Variants in DNM3 observed in about 807,000 individuals in gnomAD.
DNM3 encodes the protein dynamin-3.
In DNM3, 47 loss-of-function variants were observed where a neutral mutation model predicts 101.6. That is an observed-to-expected ratio of 0.46 (90% CI 0.37 to 0.59). DNM3 has a LOEUF of 0.59. Ranked by LOEUF, DNM3 falls within the 20% of genes least tolerant of loss-of-function variation. DNM3 has a pLI of 0.00. For synonymous variants in DNM3, 385 were observed against 387.9 expected (o/e 0.99, Z 0.09); for missense variants, 849 against 1,085.7 (o/e 0.78, Z 3.06).
intron 14 of DNM3, among the ~76,000 whole-genome samples, chr1:172,202,213 T>C (rs1399060081): frequency 6.6e-6 from 1 of 152,214 alleles, no homozygotes; most frequent in Non-Finnish European, 1.5e-5. Context: ...TTTAGAGTAA[T>C]ACTAGCCTCA....
intron 1 of DNM3, among the ~76,000 whole-genome samples, chr1:171,895,394 T>C (rs1207746609): frequency 1.3e-5 from 2 of 152,270 alleles, no homozygotes; most frequent in Non-Finnish European, 2.9e-5. Flanking sequence ...CTAGTGATGA[T>C]GAGCATTTAT....
chr1:172,231,526 A>C (rs2061336646), intron 14 of DNM3, among the ~76,000 whole-genome samples: 1 of 152,136 alleles, frequency 6.6e-6, no homozygotes, highest in Admixed American at 6.5e-5. Flanking sequence ...AAATTCTAAA[A>C]ATCAGAGCAC....
chr1:172,231,474 T>C (rs1471027888), intron 14 of DNM3, among the ~76,000 whole-genome samples: 1 of 151,968 alleles, frequency 6.6e-6, no homozygotes, highest in African/African-American at 2.4e-5. Flanking sequence ...CAAAGGTAGA[T>C]AAAACCATAA....
intron 14 of DNM3, among the ~76,000 whole-genome samples, chr1:172,208,251 T>C (rs755731589): frequency 1.3e-5 from 2 of 152,082 alleles, no homozygotes; most frequent in Non-Finnish European, 2.9e-5. Flanking sequence ...AATGTAAGGA[T>C]CTACTTCTAA....
intron 2 of DNM3, among the ~76,000 whole-genome samples, chr1:171,958,580 G>A (rs1286901125): frequency 1.3e-5 from 2 of 152,154 alleles, no homozygotes; most frequent in Non-Finnish European, 2.9e-5. Context: ...ATCCATCAAA[G>A]GTGTTGGAGC....
At chr1:171,983,868 G>A (rs1335072856) in intron 2 of DNM3, among the ~76,000 whole-genome samples, 4 of 152,104 alleles carry the variant, frequency 2.6e-5, no homozygotes, top group Admixed American at 6.5e-5. Context: ...AACCTTAGTA[G>A]CAGTGCTTTT....
chr1:171,869,679 A>G (rs2035093103), intron 1 of DNM3, among the ~76,000 whole-genome samples: 2 of 152,208 alleles, frequency 1.3e-5, no homozygotes, highest in South Asian at 2.1e-4. Flanking sequence ...TCACTGACAT[A>G]TGATGCTGAG....
At chr1:171,935,858 A>G (rs1426971226) in intron 2 of DNM3, among the ~76,000 whole-genome samples, 1 of 136,938 alleles carries the variant, frequency 7.3e-6, no homozygotes, top group Non-Finnish European at 1.5e-5. Context: ...CTTTCTCAAT[A>G]CCTGATCTTA....
intron 10 of DNM3, among the ~76,000 whole-genome samples, chr1:172,063,895 A>G (rs1390858334): frequency 6.6e-6 from 1 of 152,206 alleles, no homozygotes; most frequent in East Asian, 1.9e-4. Flanking sequence ...TAATATAAGC[A>G]TCAAATCCTC....
intron 14 of DNM3, among the ~76,000 whole-genome samples, chr1:172,237,094 C>T (rs1251691365): frequency 1.3e-5 from 2 of 151,996 alleles, no homozygotes; most frequent in African/African-American, 4.8e-5. Flanking sequence ...TAATTTGCAG[C>T]GAAATTAAAC....
At chr1:172,415,527 T>TTTTG (rs1337475836), downstream of DNM3, among the ~76,000 whole-genome samples, 4 of 105,502 alleles carry the variant, frequency 3.8e-5, no homozygotes, top group African/African-American at 1.3e-4. Flanking sequence ...TTTGTGAGTT[T>TTTTG]TTTTTTTTTT....
At chr1:172,121,517 A>G (rs998198894) in intron 13 of DNM3, among the ~76,000 whole-genome samples, 30 of 152,380 alleles carry the variant, frequency 2.0e-4, no homozygotes, top group African/African-American at 7.2e-4. Flanking sequence ...AGCGAAGCTC[A>G]GTGAGAAGAG....
At chr1:172,095,301 TA>T (rs1293413672) in intron 13 of DNM3, among the ~76,000 whole-genome samples, 1 of 152,144 alleles carries the variant, frequency 6.6e-6, no homozygotes, top group Non-Finnish European at 1.5e-5. Context: ...AGTAAACTTT[TA>T]AATAAAAGAT....
At chr1:172,057,434 C>A (rs1231124077) in intron 10 of DNM3, among the ~76,000 whole-genome samples, 1 of 152,142 alleles carries the variant, frequency 6.6e-6, no homozygotes, top group African/African-American at 2.4e-5. Context: ...ATGTTAAGGG[C>A]AGCCAGAGAG....
chr1:172,312,852 A>G (rs1045459024), intron 16 of DNM3, among the ~76,000 whole-genome samples: 3 of 152,154 alleles, frequency 2.0e-5, no homozygotes, highest in East Asian at 1.9e-4. Flanking sequence ...CAGCCCTACT[A>G]TTTTTCCATA....
chr1:172,011,907 T>G (rs1050366479), intron 4 of DNM3, among the ~76,000 whole-genome samples: 3 of 152,050 alleles, frequency 2.0e-5, no homozygotes, highest in Admixed American at 2.0e-4. Context: ...CAAATTGACA[T>G]TCTGACCCTT....
intron 17 of DNM3, among the ~76,000 whole-genome samples, chr1:172,377,858 A>G (rs1224034032): frequency 6.6e-6 from 1 of 151,918 alleles, no homozygotes; most frequent in Non-Finnish European, 1.5e-5. Flanking sequence ...ATTAGAACCA[A>G]TTCTATCAAT....
chr1:172,231,956 T>A (rs1323750753), intron 14 of DNM3, among the ~76,000 whole-genome samples: 1 of 152,132 alleles, frequency 6.6e-6, no homozygotes, highest in South Asian at 2.1e-4. Flanking sequence ...AAAGACCAAA[T>A]CTACATCTGA....
chr1:172,219,333 G>A (rs1241198924), intron 14 of DNM3, among the ~76,000 whole-genome samples: 1 of 125,180 alleles, frequency 8.0e-6, no homozygotes, highest in Admixed American at 9.4e-5. Context: ...CTGCACTGCA[G>A]TATCACTGCA....
Sources: allele counts gnomAD v4.1 joint callset (sites outside exome capture counted in the v4.1 genomes callset), GRCh38; gene constraint gnomAD v4.1.1; transcripts MANE v1.5; gene names NCBI Gene and HGNC (gene_info 2026-07-23, HGNC 2026-07-21).